Variants in SLCO1A2 observed in about 807,000 individuals in gnomAD.
SLCO1A2 encodes the protein solute carrier organic anion transporter family member 1A2.
A neutral mutation model predicts 69.0 loss-of-function variants in SLCO1A2; 67 were observed. The ratio of observed to expected loss-of-function variants is 0.97; its 90% CI spans 0.80 to 1.19. The LOEUF (loss-of-function observed/expected upper bound fraction) is 1.19, where lower values mean the gene tolerates loss of function less well. Among genes scored for constraint, SLCO1A2 ranks in the 50% most tolerant of loss-of-function variants. SLCO1A2 has a pLI of 0.00. For synonymous variants in SLCO1A2, 260 were observed against 265.9 expected, an observed-to-expected ratio of 0.98 and a Z score of 0.22; for missense variants, 787 against 793.7, an observed-to-expected ratio of 0.99 and a Z score of 0.10.
At chr12:21,371,550 A>G (rs1939790643) in intron 2 of SLCO1A2, among the ~76,000 whole-genome samples, 1 of 152,220 alleles carries the variant, frequency 6.6e-6, no homozygotes, top group South Asian at 2.1e-4. Context: ...GCTTTTAAGA[A>G]GTATATGAAA....
chr12:21,384,092 T>A (rs993052525), intron 1 of SLCO1A2, among the ~76,000 whole-genome samples: 68 of 152,174 alleles, frequency 4.5e-4, no homozygotes, highest in African/African-American at 1.6e-3. Flanking sequence ...GGTATATTTT[T>A]AATGTCCAAT....
intron 2 of SLCO1A2, among the ~76,000 whole-genome samples, chr12:21,361,744 G>A (rs916973611): frequency 2.6e-5 from 4 of 152,156 alleles, no homozygotes; most frequent in Non-Finnish European, 4.4e-5. Flanking sequence ...ACTACGTGAC[G>A]CATGTACAAG....
intron 3 of SLCO1A2, among the ~76,000 whole-genome samples, chr12:21,318,396 G>A (rs1951158437): frequency 6.6e-6 from 1 of 152,110 alleles, no homozygotes; most frequent in South Asian, 2.1e-4. Context: ...TGGGAGTACA[G>A]GCATGAGCCA....
intron 8 of SLCO1A2, among the ~76,000 whole-genome samples, chr12:21,299,952 ATATATG>A (rs1948459026): frequency 2.0e-5 from 3 of 149,094 alleles, no homozygotes; most frequent in Non-Finnish European, 4.5e-5. Context: ...TCTCTCATAT[ATATATG>A]TGTGTGTGTA....
intron 2 of SLCO1A2, among the ~76,000 whole-genome samples, chr12:21,330,014 G>A (rs972785795): frequency 6.6e-6 from 1 of 151,960 alleles, no homozygotes; most frequent in Admixed American, 6.6e-5. Context: ...GCTTCCTTCA[G>A]TCTGAAAAGC....
At chr12:21,334,968 G>C (rs1952832250), upstream of SLCO1A2, 1 of 204,988 alleles carries the variant, frequency 4.9e-6, no homozygotes, top group Non-Finnish European at 9.7e-6. Flanking sequence ...TTATGATCTT[G>C]CAAAATAATG....
At chr12:21,374,048 C>T (rs1221708483) in intron 2 of SLCO1A2, among the ~76,000 whole-genome samples, 1 of 152,086 alleles carries the variant, frequency 6.6e-6, no homozygotes, top group Non-Finnish European at 1.5e-5. Context: ...AAAAGTTATT[C>T]TTCTTATTAC....
chr12:21,283,283 C>G (rs1452372370), intron 12 of SLCO1A2, among the ~76,000 whole-genome samples: 1 of 152,064 alleles, frequency 6.6e-6, no homozygotes, highest in Non-Finnish European at 1.5e-5. Context: ...ATGGTGAACT[C>G]ATTTTTGACA....
Position 21,269,810 on chromosome 12 carries a change from T to TG in SLCO1A2, c.1794-44dup, listed in dbSNP as rs561082931. ...AAAACATATTAAATATTACATAGTG[T>TG]GGTTAGTGCAAACTAAATTTGTATA... On this transcript the variant is annotated intron_variant, in intron 14 of 14. Coordinates refer to ENST00000683939, the MANE Select transcript of SLCO1A2 (RefSeq NM_001386879.1). The TG allele has an allele frequency of 6.0e-4, 882 of 1,464,604 alleles. 7 individuals carry two copies. The African/African-American group carries it at 0.012, about 19-fold the overall frequency. The allele number at this position is 1,464,604 out of a possible 1,614,324, so 90.7% of individuals were successfully genotyped here.
At chr12:21,417,886 G>C (rs1347107687) in exon 1 of SLCO1A2, 1 of 152,112 alleles carries the variant, frequency 6.6e-6, no homozygotes, top group Non-Finnish European at 1.5e-5. Flanking sequence ...ACTGACCTTT[G>C]CTTCCAGTAT....
intron 1 of SLCO1A2, among the ~76,000 whole-genome samples, chr12:21,409,673 G>A (rs1397784485): frequency 1.3e-5 from 2 of 152,120 alleles, no homozygotes; most frequent in African/African-American, 4.8e-5. Context: ...AAATCCCAAT[G>A]CAAAGTATTA....
At chr12:21,392,219 C>T (rs544307389) in intron 1 of SLCO1A2, among the ~76,000 whole-genome samples, 1 of 152,300 alleles carries the variant, frequency 6.6e-6, no homozygotes, top group East Asian at 1.9e-4. Context: ...ATTCAACATA[C>T]ACTTTTAGCC....
intron 14 of SLCO1A2, among the ~76,000 whole-genome samples, chr12:21,273,594 A>G (rs1943278349): frequency 6.6e-6 from 1 of 152,186 alleles, no homozygotes; most frequent in African/African-American, 2.4e-5. Flanking sequence ...ACTATCAACA[A>G]GAATCCAAGT....
chr12:21,403,179 A>G (rs1223994918), intron 1 of SLCO1A2, among the ~76,000 whole-genome samples: 1 of 152,186 alleles, frequency 6.6e-6, no homozygotes, highest in East Asian at 1.9e-4. Context: ...TACATATTTG[A>G]AAACTCAAAA....
intron 2 of SLCO1A2, chr12:21,373,470 T>C (rs1401758516): frequency 2.9e-6 from 4 of 1,389,074 alleles, no homozygotes; most frequent in Non-Finnish European, 4.1e-6. Flanking sequence ...GTAACTTTTG[T>C]AAAGTGTGAG....
chr12:21,402,852 T>G (rs1290985672), intron 1 of SLCO1A2, among the ~76,000 whole-genome samples: 2 of 152,140 alleles, frequency 1.3e-5, no homozygotes, highest in Admixed American at 6.5e-5. Flanking sequence ...AAAATTGACT[T>G]TTTTATATAC....
At chr12:21,274,843 AT>A (rs1363198246) in intron 13 of SLCO1A2, 1 of 826,910 alleles carries the variant, frequency 1.2e-6, no homozygotes, top group Non-Finnish European at 1.6e-6. Context: ...TGAACTTTAT[AT>A]ATTTTCTTAA....
At chr12:21,337,344 G>A (rs538331542), upstream of SLCO1A2, among the ~76,000 whole-genome samples, 1 of 152,070 alleles carries the variant, frequency 6.6e-6, no homozygotes, top group Non-Finnish European at 1.5e-5. Flanking sequence ...AACAAATCTT[G>A]TTTGTGCTCT....
rs184940895 is a variant in SLCO1A2, at chr12:21,347,409, G to A, written c.-62-12700C>T. ...GCCTGTAATCCCAGCACTTTGGGACGCCAAAGGGGGTGGATCACCTGAGGT... is the reference window on the plus strand; with the variant it reads ...GCCTGTAATCCCAGCACTTTGGGACACCAAAGGGGGTGGATCACCTGAGGT... On this transcript the variant is annotated intron_variant, in intron 2 of 15. Coordinates refer to the SLCO1A2 transcript ENST00000307378. Among the ~76,000 whole-genome samples the A allele has an allele frequency of 1.2e-3, 185 of 152,268 alleles. 2 individuals carry two copies. Among genetic ancestry groups the A allele is most frequent in the Admixed American group, 8.5e-4 (13 of 15,280 alleles).
Sources: gnomAD v4.1 joint callset for allele counts (sites outside exome capture counted in the v4.1 genomes callset) on GRCh38, gnomAD v4.1.1 for gene constraint, MANE v1.5 for transcripts, NCBI Gene and HGNC (gene_info 2026-07-23, HGNC 2026-07-21) for gene names.